FER: variants seen among roughly 807,000 people sequenced by gnomAD.
The protein encoded by FER is FER tyrosine kinase.
In FER, 63 loss-of-function variants were observed where a neutral mutation model predicts 111.0. The ratio of observed to expected loss-of-function variants is 0.57; its 90% CI spans 0.46 to 0.70. FER has a LOEUF of 0.70. Among genes scored for constraint, FER ranks in the 30% least tolerant of loss-of-function variants. FER has a pLI of 0.00. For missense variants in FER, 914 were observed against 954.0 expected, an observed-to-expected ratio of 0.96 and a Z score of 0.55; for synonymous variants, 327 against 313.9, an observed-to-expected ratio of 1.04 and a Z score of -0.44.
intron 2 of FER, among the ~76,000 whole-genome samples, chr5:108,772,619 C>G (rs1455363950): frequency 1.3e-5 from 2 of 151,696 alleles, no homozygotes; most frequent in African/African-American, 4.8e-5. Context: ...CATTTCCAAG[C>G]TTTTTTTTCC....
chr5:108,955,056 T>A (rs1431203110), intron 12 of FER, 124 bp downstream of exon 12: 5 of 724,460 alleles, frequency 6.9e-6, no homozygotes, highest in Non-Finnish European at 8.5e-6. Context: ...TTAATTTTTT[T>A]CTGAATTTCT....
In FER at chr5:108,984,811, G is replaced by A. The variant is rs115975454; in HGVS notation, c.1656+25464G>A. On this transcript the variant is annotated intron_variant, in intron 13 of 19. Coordinates refer to ENST00000281092, the MANE Select transcript of FER (RefSeq NM_005246.4). ...GATAAACTGGTAGCAATTTGGTAAG[G>A]CAACAGTTTAGACATTGCTTTTCAC... is the stretch of plus-strand genomic sequence containing the variant. Among the ~76,000 whole-genome samples the A allele has an allele frequency of 5.0e-3, 755 of 152,026 alleles. 3 individuals carry two copies. The highest frequency in any genetic ancestry group is 0.017 in the African/African-American group (711 of 41,486).
intron 1 of FER, among the ~76,000 whole-genome samples, chr5:108,754,061 A>T (rs763130975): frequency 6.6e-6 from 1 of 152,168 alleles, no homozygotes; most frequent in Admixed American, 6.5e-5. Context: ...ATTGAGAGTG[A>T]CATCATTATG....
intron 17 of FER, among the ~76,000 whole-genome samples, chr5:109,101,588 T>C (rs1283129675): frequency 6.6e-6 from 1 of 152,120 alleles, no homozygotes; most frequent in African/African-American, 2.4e-5. Context: ...ATTTTAAATA[T>C]GGTTCAACAA....
At chr5:108,948,961 A>C (rs1757368276) in intron 11 of FER, among the ~76,000 whole-genome samples, 1 of 152,166 alleles carries the variant, frequency 6.6e-6, no homozygotes, top group African/African-American at 2.4e-5. Flanking sequence ...TCTCCTTAAA[A>C]TTCATATTTT....
At chr5:108,858,584 A>G (rs1373044593) in intron 5 of FER, among the ~76,000 whole-genome samples, 4 of 151,836 alleles carry the variant, frequency 2.6e-5, no homozygotes, top group African/African-American at 7.3e-5. Context: ...ATTTATTTCT[A>G]TGTGAAACTT....
At chr5:108,833,733 G>C (rs796360498) in intron 4 of FER, among the ~76,000 whole-genome samples, 26 of 152,144 alleles carry the variant, frequency 1.7e-4, no homozygotes, top group African/African-American at 5.3e-4. Flanking sequence ...AATTAGCTGG[G>C]CGTACTGGCG....
intron 13 of FER, among the ~76,000 whole-genome samples, chr5:108,959,933 G>A (rs1758929295): frequency 6.6e-6 from 1 of 151,988 alleles, no homozygotes; most frequent in African/African-American, 2.4e-5. Flanking sequence ...AATAAAGTAT[G>A]GGTATGTGGA....
At chr5:108,978,908 G>C (rs1203172995) in intron 13 of FER, among the ~76,000 whole-genome samples, 2 of 152,138 alleles carry the variant, frequency 1.3e-5, no homozygotes, top group African/African-American at 4.8e-5. Context: ...AAAATATTCA[G>C]ATTGGAGAAA....
At chr5:108,929,840 A>T (rs945824161) in intron 10 of FER, among the ~76,000 whole-genome samples, 49 of 152,232 alleles carry the variant, frequency 3.2e-4, no homozygotes, top group African/African-American at 1.2e-3. Flanking sequence ...GCCTTGAGTC[A>T]TCAAGAGAAA....
At chr5:108,768,864 G>A (rs549760617) in intron 2 of FER, among the ~76,000 whole-genome samples, 133 of 150,834 alleles carry the variant, frequency 8.8e-4, no homozygotes, top group African/African-American at 3.1e-3. Flanking sequence ...TGGCTCTGTC[G>A]CCCAGGCTGG....
At chr5:109,082,633 G>T (rs1175784075) in intron 16 of FER, among the ~76,000 whole-genome samples, 1 of 131,276 alleles carries the variant, frequency 7.6e-6, no homozygotes, top group Non-Finnish European at 1.8e-5. Flanking sequence ...TTAGAGAAAG[G>T]GATTTTTTTT....
chr5:109,006,446 C>G (rs1421239172), intron 13 of FER, among the ~76,000 whole-genome samples: 1 of 152,162 alleles, frequency 6.6e-6, no homozygotes, highest in African/African-American at 2.4e-5. Context: ...TTTGCTTCTT[C>G]TTTGCCTTCC....
At chr5:108,992,242 C>T (rs1019132007) in intron 13 of FER, among the ~76,000 whole-genome samples, 1 of 152,234 alleles carries the variant, frequency 6.6e-6, no homozygotes, top group Admixed American at 6.5e-5. Context: ...TTTTCTAGTA[C>T]AGAACAAAAT....
At chr5:109,047,267 A>T (rs1772118522) in intron 16 of FER, 69 bp downstream of exon 16, 1 of 881,250 alleles carries the variant, frequency 1.1e-6, no homozygotes. Flanking sequence ...TATATGTTCG[A>T]TCTCTTTGAT....
chr5:109,129,774 C>T (rs1264396205), intron 17 of FER, among the ~76,000 whole-genome samples: 1 of 151,968 alleles, frequency 6.6e-6, no homozygotes, highest in Non-Finnish European at 1.5e-5. Context: ...TTTAAAAATG[C>T]ATACCCTTTT....
chr5:108,785,601 A>G (rs367954928), intron 2 of FER: 5 of 427,336 alleles, frequency 1.2e-5, no homozygotes, highest in African/African-American at 8.2e-5. Context: ...AAACTGGAAA[A>G]AAAAAAGTGG....
At chr5:109,065,960 G>A (rs528529516) in intron 16 of FER, among the ~76,000 whole-genome samples, 1 of 152,144 alleles carries the variant, frequency 6.6e-6, no homozygotes, top group Admixed American at 6.6e-5. Flanking sequence ...GAGAAAACAT[G>A]ATCACATTTG....
intron 13 of FER, among the ~76,000 whole-genome samples, 183 bp from the exon 14 acceptor site, chr5:109,037,239 A>G (rs377666489): frequency 5.3e-5 from 8 of 152,134 alleles, no homozygotes; most frequent in African/African-American, 1.7e-4. Flanking sequence ...TTAATGTCCT[A>G]TTGTGTAGTA....
Sources: gnomAD v4.1 joint callset for allele counts (sites outside exome capture counted in the v4.1 genomes callset) on GRCh38, gnomAD v4.1.1 for gene constraint, MANE v1.5 for transcripts, NCBI Gene and HGNC (gene_info 2026-07-23, HGNC 2026-07-21) for gene names.